The following UNC13C variants were observed in gnomAD, a reference collection of about 807,000 sequenced individuals.
The protein encoded by UNC13C is unc-13 homolog C, also known as protein unc-13 homolog C.
A neutral mutation model predicts 245.4 loss-of-function variants in UNC13C; 174 were observed. The observed-to-expected ratio is 0.71, with a 90% CI of 0.63 to 0.80. UNC13C has a LOEUF of 0.80. Among genes scored for constraint, UNC13C ranks in the 30% least tolerant of loss-of-function variants. UNC13C has a pLI of 0.00. For synonymous variants in UNC13C, 992 were observed against 895.1 expected (o/e 1.11, Z -1.93); for missense variants, 2,829 against 2,602.9 (o/e 1.09, Z -1.89).
At chr15:53,869,015 G>A in the UNC13C span, among the ~76,000 whole-genome samples, 5 of 152,130 alleles carry the variant, frequency 3.3e-5, no homozygotes, top group Non-Finnish European at 5.9e-5. Context: ...AGGCTGAGGT[G>A]GGAGGATCAC....
chr15:54,019,968 A>G (rs532534632), intron 2 of UNC13C, among the ~76,000 whole-genome samples: 1 of 152,198 alleles, frequency 6.6e-6, no homozygotes, highest in African/African-American at 2.4e-5. Context: ...TACTGATGTA[A>G]TATATGCCCT....
At chr15:54,487,341 C>CT (rs1249364715) in intron 19 of UNC13C, among the ~76,000 whole-genome samples, 5 of 152,074 alleles carry the variant, frequency 3.3e-5, no homozygotes, top group African/African-American at 7.2e-5. Flanking sequence ...ATTTTCTTTG[C>CT]TTTTTTTCCT....
chr15:54,325,653 A>G (rs868116709), intron 14 of UNC13C, among the ~76,000 whole-genome samples: 4 of 151,808 alleles, frequency 2.6e-5, no homozygotes, highest in Non-Finnish European at 5.9e-5. Context: ...GAGTGAGAAC[A>G]TGTGGTGTTT....
chr15:54,496,836 G>A (rs112659982), intron 20 of UNC13C, among the ~76,000 whole-genome samples: 1 of 150,108 alleles, frequency 6.7e-6, no homozygotes, highest in Admixed American at 6.7e-5. Context: ...AGTTGGGGGG[G>A]AAGGATAAAA....
chr15:54,159,487 T>G lies in UNC13C; in HGVS notation c.3071+15803T>G, dbSNP rs372045572. ...GGATGCAGATGCCTAAGGCACTGTT[T>G]CCTTGTGCATGTTGTATTTAGCTAT... On this transcript the variant is annotated intron_variant, in intron 4 of 32. Transcript: ENST00000260323. 4.6e-5 allele frequency among the ~76,000 whole-genome samples: 7 copies of G among 152,344 alleles called. No homozygotes were observed. In the South Asian group the frequency reaches 1.4e-3, roughly 32 times the overall value.
intron 8 of UNC13C, among the ~76,000 whole-genome samples, chr15:54,250,759 T>TTC (rs2036129160): frequency 7.7e-6 from 1 of 129,648 alleles, no homozygotes; most frequent in Non-Finnish European, 1.6e-5. Context: ...CTTTTTTTTT[T>TTC]TTTTTTTTTT....
At chr15:53,944,576 C>T in the UNC13C span, among the ~76,000 whole-genome samples, 3,322 of 152,252 alleles carry the variant, frequency 0.022, 120 homozygotes, top group African/African-American at 0.077. Flanking sequence ...CATGTTCTTG[C>T]AAAGGACATG....
At chr15:54,462,784 C>T (rs1294222292) in intron 19 of UNC13C, among the ~76,000 whole-genome samples, 4 of 152,228 alleles carry the variant, frequency 2.6e-5, no homozygotes, top group Admixed American at 2.6e-4. Context: ...CGGGCGCCAC[C>T]CCCTGCTCCA....
the UNC13C span, among the ~76,000 whole-genome samples, chr15:53,915,901 G>T: frequency 6.6e-6 from 1 of 152,168 alleles, no homozygotes; most frequent in Non-Finnish European, 1.5e-5. Context: ...GCATGGAAAA[G>T]TACTTGTGGG....
At chr15:54,187,297 G>A (rs951453060) in intron 4 of UNC13C, among the ~76,000 whole-genome samples, 2 of 151,842 alleles carry the variant, frequency 1.3e-5, no homozygotes, top group African/African-American at 4.8e-5. Context: ...ATCCATTCTT[G>A]CTCCACAAGA....
intron 1 of UNC13C, among the ~76,000 whole-genome samples, chr15:53,996,139 G>A (rs1464710008): frequency 6.6e-6 from 1 of 152,182 alleles, no homozygotes; most frequent in Non-Finnish European, 1.5e-5. Flanking sequence ...AAGAGAACAG[G>A]AAGAGATGTG....
At chr15:54,575,566 A>T (rs551962809) in intron 30 of UNC13C, among the ~76,000 whole-genome samples, 31 of 129,056 alleles carry the variant, frequency 2.4e-4, no homozygotes, top group African/African-American at 1.1e-3. Context: ...TTCTCAAATT[A>T]AAAAAAAAAA....
intron 2 of UNC13C, among the ~76,000 whole-genome samples, chr15:54,139,624 A>G (rs2031916229): frequency 6.6e-6 from 1 of 152,212 alleles, no homozygotes. Flanking sequence ...AATTATTTTT[A>G]ATATCATTAA....
the UNC13C span, among the ~76,000 whole-genome samples, chr15:53,883,590 G>C: frequency 6.6e-6 from 1 of 152,198 alleles, no homozygotes; most frequent in African/African-American, 2.4e-5. Flanking sequence ...TGACAGAAAT[G>C]ACAGATGTTG....
chr15:54,376,758 A>C (rs2039616194), intron 17 of UNC13C, among the ~76,000 whole-genome samples: 1 of 152,218 alleles, frequency 6.6e-6, no homozygotes, highest in South Asian at 2.1e-4. Context: ...GAACCCATTG[A>C]AAACCACATG....
chr15:54,127,081 A>T (rs1040579657), intron 2 of UNC13C, among the ~76,000 whole-genome samples: 2 of 152,198 alleles, frequency 1.3e-5, no homozygotes, highest in African/African-American at 4.8e-5. Flanking sequence ...CTGTAGAGAA[A>T]TAGGAGTGCT....
upstream of UNC13C, among the ~76,000 whole-genome samples, chr15:53,974,199 G>C (rs1278913132): frequency 6.6e-6 from 1 of 152,154 alleles, no homozygotes; most frequent in Non-Finnish European, 1.5e-5. Flanking sequence ...CTATTATTGT[G>C]TTACTGACTC....
At chr15:53,853,086 G>C in the UNC13C span, among the ~76,000 whole-genome samples, 2 of 151,468 alleles carry the variant, frequency 1.3e-5, no homozygotes, top group African/African-American at 4.9e-5. Flanking sequence ...GTAAACTTGT[G>C]CCATGGTGGT....
At chr15:53,837,765 C>G in the UNC13C span, among the ~76,000 whole-genome samples, 1 of 152,142 alleles carries the variant, frequency 6.6e-6, no homozygotes, top group Admixed American at 6.6e-5. Flanking sequence ...TCCCATTTCA[C>G]TTTTTACATG....
Sources: gnomAD v4.1 joint callset for allele counts (sites outside exome capture counted in the v4.1 genomes callset) on GRCh38, gnomAD v4.1.1 for gene constraint, MANE v1.5 for transcripts, NCBI Gene and HGNC (gene_info 2026-07-23, HGNC 2026-07-21) for gene names.